CHST9: variants seen among roughly 807,000 people sequenced by gnomAD.
CHST9 encodes the protein GalNAc-4-sulfotransferase 2.
A neutral mutation model predicts 44.4 loss-of-function variants in CHST9; 41 were observed. The observed-to-expected ratio is 0.92, with a 90% CI of 0.72 to 1.20. The LOEUF is 1.20. Among genes scored for constraint, CHST9 ranks in the 50% most tolerant of loss-of-function variants. The pLI is 0.00. For synonymous variants in CHST9, 171 were observed against 178.4 expected (o/e 0.96, Z 0.33); for missense variants, 504 against 516.5 (o/e 0.98, Z 0.23).
At chr18:27,094,497 G>T (rs9959270) in intron 2 of CHST9, among the ~76,000 whole-genome samples, 1,588 of 152,220 alleles carry the variant, frequency 0.01, 25 homozygotes, top group African/African-American at 0.034. Flanking sequence ...TTACCAAATT[G>T]TTAAAGAGAT....
At chr18:26,961,877 C>T (rs1328065087) in intron 4 of CHST9, among the ~76,000 whole-genome samples, 2 of 152,152 alleles carry the variant, frequency 1.3e-5, no homozygotes, top group Non-Finnish European at 2.9e-5. Flanking sequence ...TTCATTCATC[C>T]ACTTGTTCAA....
chr18:26,939,384 G>T (rs1354134580), intron 5 of CHST9, among the ~76,000 whole-genome samples: 1 of 152,164 alleles, frequency 6.6e-6, no homozygotes, highest in Non-Finnish European at 1.5e-5. Context: ...GTCTAGGAAG[G>T]TGGGGAGAAT....
intron 2 of CHST9, among the ~76,000 whole-genome samples, chr18:27,085,192 T>C (rs935077264): frequency 7.9e-5 from 12 of 152,076 alleles, no homozygotes; most frequent in African/African-American, 2.9e-4. Context: ...GGAAATACCA[T>C]TTTGGACATA....
At chr18:27,067,005 T>G (rs1026513996) in intron 2 of CHST9, among the ~76,000 whole-genome samples, 7 of 152,188 alleles carry the variant, frequency 4.6e-5, no homozygotes, top group Non-Finnish European at 7.4e-5. Context: ...TCTTTTTTAT[T>G]AAGATAGAAT....
At chr18:27,116,906 T>C (rs1180037896) in intron 2 of CHST9, among the ~76,000 whole-genome samples, 1 of 152,174 alleles carries the variant, frequency 6.6e-6, no homozygotes, top group African/African-American at 2.4e-5. Flanking sequence ...TGTTCATTAC[T>C]AGTATATAGA....
intron 2 of CHST9, among the ~76,000 whole-genome samples, chr18:27,055,876 G>A (rs1378406517): frequency 1.3e-5 from 2 of 151,988 alleles, no homozygotes; most frequent in African/African-American, 4.8e-5. Context: ...TGTAATCTGG[G>A]AATGAGGTCT....
At chr18:27,067,336 G>A (rs899965731) in intron 2 of CHST9, among the ~76,000 whole-genome samples, 7 of 151,900 alleles carry the variant, frequency 4.6e-5, no homozygotes, top group Non-Finnish European at 8.8e-5. Flanking sequence ...AATTTACAGG[G>A]CGATGCTTTC....
intron 5 of CHST9, among the ~76,000 whole-genome samples, chr18:26,922,350 G>A (rs1022249954): frequency 3.3e-5 from 5 of 152,136 alleles, no homozygotes; most frequent in African/African-American, 7.2e-5. Context: ...AATGACTATA[G>A]CACTTAGTCT....
intron 1 of CHST9, among the ~76,000 whole-genome samples, chr18:27,154,204 A>G (rs1303449874): frequency 2.6e-5 from 4 of 152,194 alleles, no homozygotes; most frequent in African/African-American, 9.6e-5. Context: ...GAAATAAATG[A>G]TAATAAATAT....
At chr18:26,941,767 C>T (rs1241174390) in intron 5 of CHST9, among the ~76,000 whole-genome samples, 2 of 152,194 alleles carry the variant, frequency 1.3e-5, no homozygotes, top group Non-Finnish European at 2.9e-5. Context: ...ATACTAATTT[C>T]CCCAGTGAAT....
At position 26,908,742 on chromosome 18, in the gene CHST9, G is replaced by T. The variant is rs563168714; in HGVS notation, c.*7517C>A. The stretch of plus-strand genomic sequence containing the variant: ...CAGTCAAATGTTGGCAATGTCATAT[G>T]GTTCAACCTAATAGAAAGGCAAAAA... On this transcript the variant is annotated 3_prime_UTR_variant, in exon 6 of 6. Coordinates refer to ENST00000618847, the MANE Select transcript of CHST9 (RefSeq NM_031422.6). 10 of 152,214 alleles carry T rather than the reference G, an allele frequency of 6.6e-5. No homozygotes were observed. The highest frequency in any genetic ancestry group is 3.4e-3 in the Middle Eastern group (1 of 294). The allele number at this position is 152,214 out of a possible 1,614,324, so 9.4% of individuals were successfully genotyped here.
chr18:27,147,252 A>G (rs2058619873), intron 1 of CHST9, among the ~76,000 whole-genome samples: 1 of 151,886 alleles, frequency 6.6e-6, no homozygotes, highest in South Asian at 2.1e-4. Flanking sequence ...TTTTTAGTAG[A>G]TACGGGGTTT....
chr18:27,024,243 C>A lies in CHST9; in HGVS notation c.161-86G>T, dbSNP rs868866412. 22 of 1,038,052 alleles carry A rather than the reference C, an allele frequency of 2.1e-5. 2 individuals carry two copies. The Middle Eastern group carries it at 4.2e-3, about 199-fold the overall frequency. The allele number at this position is 1,038,052 out of a possible 1,614,324, so 64.3% of individuals were successfully genotyped here. On this transcript the variant is annotated intron_variant, in intron 3 of 5. Transcript: ENST00000618847. ...CTTTCTACACAAAGATGCCTCAAAG[C>A]CTCTCATATTTTATTTGTAACAAGG...
At chr18:27,075,689 AC>A (rs2057896189) in intron 2 of CHST9, among the ~76,000 whole-genome samples, 1 of 139,576 alleles carries the variant, frequency 7.2e-6, no homozygotes, top group Non-Finnish European at 1.5e-5. Context: ...TCTTCCACAC[AC>A]ATACTCCCAG....
chr18:27,090,467 C>A (rs1015780735), intron 2 of CHST9, among the ~76,000 whole-genome samples: 13 of 152,196 alleles, frequency 8.5e-5, no homozygotes, highest in African/African-American at 2.9e-4. Context: ...ACCATTTGTC[C>A]ATTTTGGCTT....
In CHST9 at chr18:26,940,525, G is replaced by A. The variant is rs573697637; in HGVS notation, c.240+3804C>T. Among the ~76,000 whole-genome samples the A allele has an allele frequency of 3.3e-5, 5 of 152,306 alleles. No homozygotes were observed. In the South Asian group the frequency reaches 1.0e-3, roughly 32 times the overall value. Reference sequence around the variant, plus strand: ...TTAAAAAGCAAACTGCAGGAGAATGGAAGATGAATAGAAAGGTGGTGAGGC... The same window carrying A: ...TTAAAAAGCAAACTGCAGGAGAATGAAAGATGAATAGAAAGGTGGTGAGGC... On this transcript the variant is annotated intron_variant, in intron 5 of 5. Coordinates refer to ENST00000618847, the MANE Select transcript of CHST9 (RefSeq NM_031422.6).
At chr18:27,116,574 C>T (rs918328354) in intron 2 of CHST9, among the ~76,000 whole-genome samples, 1 of 152,046 alleles carries the variant, frequency 6.6e-6, no homozygotes, top group Non-Finnish European at 1.5e-5. Context: ...TTTAGTTATT[C>T]TGAGTCTCTT....
intron 5 of CHST9, among the ~76,000 whole-genome samples, chr18:26,941,610 C>T (rs182801754): frequency 6.6e-6 from 1 of 151,686 alleles, no homozygotes; most frequent in East Asian, 1.9e-4. Flanking sequence ...GAAATGATTG[C>T]AGCATTGAAC....
intron 2 of CHST9, among the ~76,000 whole-genome samples, chr18:27,119,198 G>A (rs1446508368): frequency 6.6e-6 from 1 of 151,980 alleles, no homozygotes; most frequent in Non-Finnish European, 1.5e-5. Flanking sequence ...ACCAAACCAA[G>A]TACATTTGCC....
Sources: allele counts gnomAD v4.1 joint callset (sites outside exome capture counted in the v4.1 genomes callset), GRCh38; gene constraint gnomAD v4.1.1; transcripts MANE v1.5; gene names NCBI Gene and HGNC (gene_info 2026-07-23, HGNC 2026-07-21).